Variants in RFX7 observed in about 807,000 individuals in gnomAD.
RFX7 encodes regulatory factor X7.
A neutral mutation model predicts 111.8 loss-of-function variants in RFX7; 26 were observed. The observed-to-expected ratio is 0.23, with a 90% CI of 0.17 to 0.32. The LOEUF (loss-of-function observed/expected upper bound fraction) is 0.32, where lower values mean the gene tolerates loss of function less well. RFX7 is among the 10% of genes least tolerant of loss of function. The pLI is 1.00. For synonymous variants in RFX7, 624 were observed against 624.4 expected (o/e 1.00, Z 0.01); for missense variants, 1,573 against 1,772.9 (o/e 0.89, Z 2.02).
chr15:56,144,129 C>T (rs1358935606), intron 4 of RFX7, among the ~76,000 whole-genome samples: 1 of 152,166 alleles, frequency 6.6e-6, no homozygotes, highest in Non-Finnish European at 1.5e-5. Flanking sequence ...ATCCCTCACA[C>T]TGCATAAACA....
intron 5 of RFX7, among the ~76,000 whole-genome samples, chr15:56,131,256 G>C (rs1424086342): frequency 1.4e-5 from 2 of 146,120 alleles, no homozygotes; most frequent in Non-Finnish European, 3.0e-5. Context: ...AGAAATAAGA[G>C]ATTATATTAG....
intron 2 of RFX7, among the ~76,000 whole-genome samples, chr15:56,201,410 A>G (rs1054891577): frequency 1.8e-4 from 28 of 152,244 alleles, no homozygotes; most frequent in Non-Finnish European, 2.9e-4. Flanking sequence ...GAACCAAAGG[A>G]AAGAAAATCC....
intron 2 of RFX7, among the ~76,000 whole-genome samples, chr15:56,206,097 A>G (rs553139214): frequency 1.3e-5 from 2 of 152,300 alleles, no homozygotes; most frequent in East Asian, 3.9e-4. Context: ...TGTATCAAAA[A>G]GAATAAATGC....
At position 56,243,163 on chromosome 15, in the gene RFX7, C is replaced by A. The variant is rs1200206007; in HGVS notation, c.123G>T (p.Glu41Asp). ...PALVPGLPGT[E>D]ASALQHKIKN... ...TGATCTTGTGTTGCAGCGCGCTGGC[C>A]TCTGTCCCTGGCAGCCCGGGCACAA... Residue 41 changes from glutamate to aspartate, a missense_variant, in exon 2 of 10, where the codon GAG (glutamate) becomes GAT (aspartate). This residue lies in a region of RFX7 where 191 missense variants were observed against 194.2 expected (regional missense o/e 0.98). Transcript: ENST00000559447. 1 of 1,360,162 alleles carries A rather than the reference C, an allele frequency of 7.4e-7. No homozygotes were observed. 84.3% of individuals were successfully genotyped at this position (1,360,162 alleles called of 1,614,324 possible).
Position 56,094,859 on chromosome 15 carries a change from T to A in RFX7, c.2869A>T (p.Thr957Ser). 6.4e-7 allele frequency: 1 copy of A among 1,553,002 alleles called. No individual in the cohort carries two copies. Among genetic ancestry groups the A allele is most frequent in the Non-Finnish European group, 8.7e-7 (1 of 1,148,832 alleles). Residue 957 changes from threonine (T) to serine (S), a missense_variant, in exon 10 of 10, where the codon ACT becomes TCT. By Grantham distance (58) the Thr-to-Ser change is moderately conservative. Around this residue, in one of 7 missense-constraint regions of RFX7, gnomAD observed 625 missense variants for 632.2 expected, o/e 0.99. Transcript: ENST00000559447. Reference sequence around the variant, plus strand: ...GTCGGGGTTGGGGTTGGGGTTGGAGTAGGAGTGGGTGTGGGTGTGGGTGTG... The same window carrying A: ...GTCGGGGTTGGGGTTGGGGTTGGAGAAGGAGTGGGTGTGGGTGTGGGTGTG... ...TPTPTPTPTP[T>S]PTPTPTPTSE...
At chr15:56,143,931 T>A (rs1421345447) in intron 4 of RFX7, among the ~76,000 whole-genome samples, 1 of 152,194 alleles carries the variant, frequency 6.6e-6, no homozygotes, top group African/African-American at 2.4e-5. Context: ...ATGATGAAAC[T>A]ATAGTAATAC....
At chr15:56,146,403 A>C (rs1405083821) in intron 3 of RFX7, among the ~76,000 whole-genome samples, 1 of 152,190 alleles carries the variant, frequency 6.6e-6, no homozygotes, top group East Asian at 1.9e-4. Context: ...AAATATTATT[A>C]ACATCACCCA....
intron 3 of RFX7, among the ~76,000 whole-genome samples, chr15:56,158,779 T>G (rs774930341): frequency 6.6e-6 from 1 of 152,086 alleles, no homozygotes; most frequent in Non-Finnish European, 1.5e-5. Context: ...GCCAGGATTG[T>G]GCCACTACAG....
chr15:56,228,232 T>G (rs2043507736), intron 2 of RFX7, among the ~76,000 whole-genome samples: 1 of 152,040 alleles, frequency 6.6e-6, no homozygotes, highest in Non-Finnish European at 1.5e-5. Context: ...CTGGATTTGG[T>G]GTTTGTCATT....
intron 2 of RFX7, among the ~76,000 whole-genome samples, chr15:56,201,871 A>G (rs1452651545): frequency 2.0e-5 from 3 of 152,136 alleles, no homozygotes; most frequent in Non-Finnish European, 4.4e-5. Context: ...TCTACTAAAA[A>G]TACAAAAAAA....
intron 5 of RFX7, among the ~76,000 whole-genome samples, chr15:56,105,573 T>C (rs1225989778): frequency 2.6e-5 from 4 of 152,166 alleles, no homozygotes; most frequent in African/African-American, 9.7e-5. Context: ...ACAGAGGCAG[T>C]GTAATGAGAC....
At chr15:56,126,889 A>AAGAC (rs1198606128) in intron 5 of RFX7, among the ~76,000 whole-genome samples, 3 of 152,158 alleles carry the variant, frequency 2.0e-5, no homozygotes, top group Non-Finnish European at 4.4e-5. Context: ...ACACACAAAA[A>AAGAC]AGACAATTCA....
At position 56,090,216 on chromosome 15, in the gene RFX7, C is replaced by G. The variant is rs1243324264; in HGVS notation, c.*3129G>C. The G allele has an allele frequency of 6.6e-6, 1 of 152,252 alleles. No homozygotes were observed. The highest frequency in any genetic ancestry group is 1.9e-4 in the East Asian group (1 of 5,190). The allele number at this position is 152,252 out of a possible 1,614,324, so 9.4% of individuals were successfully genotyped here. A position where few individuals can be genotyped will look rare whatever the true frequency, so the allele number is the denominator to read the frequency against. ...TTCAGAGCTCCAGAAATATACTTAC[C>G]TAGGTACTCCATAGGCTAACATTTA... On this transcript the variant is annotated 3_prime_UTR_variant, in exon 10 of 10. Coordinates refer to ENST00000559447, the MANE Select transcript of RFX7 (RefSeq NM_022841.7).
chr15:56,090,087 C>G lies in RFX7; in HGVS notation c.*3258G>C, dbSNP rs1293346559. The G allele has an allele frequency of 1.3e-5, 2 of 152,182 alleles. No homozygotes were observed. Among genetic ancestry groups the G allele is most frequent in the Non-Finnish European group, 2.9e-5 (2 of 68,030 alleles). 9.4% of individuals were successfully genotyped at this position (152,182 alleles called of 1,614,324 possible). On this transcript the variant is annotated 3_prime_UTR_variant, in exon 10 of 10. Coordinates refer to ENST00000559447, the MANE Select transcript of RFX7 (RefSeq NM_022841.7). The stretch of plus-strand genomic sequence containing the variant: ...TGCTTCCAGACCTGTAGCCCAGCTT[C>G]TGGCTTACAAATTCATTACACTTAT...
At chr15:56,116,965 C>G (rs1330263101) in intron 5 of RFX7, among the ~76,000 whole-genome samples, 2 of 152,032 alleles carry the variant, frequency 1.3e-5, no homozygotes, top group African/African-American at 4.8e-5. Context: ...ACAAGCAAAG[C>G]TAGCCTGTGG....
chr15:56,208,917 A>C (rs1434959574), intron 2 of RFX7, among the ~76,000 whole-genome samples: 2 of 152,124 alleles, frequency 1.3e-5, no homozygotes, highest in Non-Finnish European at 2.9e-5. Flanking sequence ...ACTGTGGGAT[A>C]ACTACAAAGG....
intron 5 of RFX7, among the ~76,000 whole-genome samples, chr15:56,118,839 A>T (rs2042041005): frequency 6.6e-6 from 1 of 152,180 alleles, no homozygotes; most frequent in Admixed American, 6.5e-5. Context: ...CCTTTCCTCC[A>T]CATCCTTGTC....
chr15:56,214,714 CA>C (rs527416979), intron 2 of RFX7, among the ~76,000 whole-genome samples: 9,259 of 86,912 alleles, frequency 0.11, 289 homozygotes, highest in Admixed American at 0.17. Flanking sequence ...GACTCTGTCT[CA>C]AAAAAAAAAA....
In RFX7 at chr15:56,109,704, T is replaced by G. The variant is rs1428998276; in HGVS notation, c.402-6034A>C. Reference sequence around the variant, plus strand: ...GGAGCGCCTCTGCCCTGTCGCCCCGTCCGGGATGTGAGGAGCGTCTCTGCC... The same window carrying G: ...GGAGCGCCTCTGCCCTGTCGCCCCGGCCGGGATGTGAGGAGCGTCTCTGCC... On this transcript the variant is annotated intron_variant, in intron 5 of 9. Coordinates refer to ENST00000559447, the MANE Select transcript of RFX7 (RefSeq NM_022841.7). Among the ~76,000 whole-genome samples the G allele has an allele frequency of 1.1e-4, 17 of 151,350 alleles. No individual in the cohort carries two copies. The East Asian group carries it at 3.0e-3, about 26-fold the overall frequency.
Sources: allele counts gnomAD v4.1 joint callset (sites outside exome capture counted in the v4.1 genomes callset), GRCh38; gene constraint gnomAD v4.1.1; regional missense constraint gnomAD v4.1.1; transcripts MANE v1.5; gene names NCBI Gene and HGNC (gene_info 2026-07-23, HGNC 2026-07-21).